Variants in TOP2B observed in about 807,000 individuals in gnomAD.
TOP2B encodes the protein DNA topoisomerase 2-beta.
A neutral mutation model predicts 193.5 loss-of-function variants in TOP2B; 51 were observed. The ratio of observed to expected loss-of-function variants is 0.26; its 90% CI spans 0.21 to 0.33. The LOEUF (loss-of-function observed/expected upper bound fraction) is 0.33. TOP2B is among the 10% of genes least tolerant of loss of function. The probability of loss-of-function intolerance (pLI) is 1.00; values close to 1 mark genes in which losing one functional copy is unlikely to be tolerated. For synonymous variants in TOP2B, 634 were observed against 635.7 expected (o/e 1.00, Z 0.04); for missense variants, 1,378 against 1,909.3 (o/e 0.72, Z 5.19).
rs1701968300 is a variant in TOP2B at position 25,598,183 on chromosome 3, A to G, written c.*124T>C. Reference sequence around the variant, plus strand: ...ACAAAATGTTAAAAGGCCTACCACAATAATAAAAAACCGTCAATTACATCA... The same window carrying G: ...ACAAAATGTTAAAAGGCCTACCACAGTAATAAAAAACCGTCAATTACATCA... On this transcript the variant is annotated 3_prime_UTR_variant, in exon 36 of 36. Coordinates refer to ENST00000264331, the MANE Select transcript of TOP2B (RefSeq NM_001330700.2). The G allele has an allele frequency of 5.7e-6, 6 of 1,047,586 alleles. No homozygotes were observed. The South Asian group carries it at 1.1e-4, about 18-fold the overall frequency. 64.9% of individuals were successfully genotyped at this position (1,047,586 alleles called of 1,614,324 possible). A position where few individuals can be genotyped will look rare whatever the true frequency, so the allele number is the denominator to read the frequency against.
At chr3:25,662,698 GTTAA>G (rs1703953238) in intron 1 of TOP2B, among the ~76,000 whole-genome samples, 1 of 152,178 alleles carries the variant, frequency 6.6e-6, no homozygotes, top group Non-Finnish European at 1.5e-5. Context: ...TTATATAACA[GTTAA>G]TTAAAGTACT....
intron 1 of TOP2B, among the ~76,000 whole-genome samples, chr3:25,661,902 A>G (rs1434015043): frequency 6.6e-6 from 1 of 152,130 alleles, no homozygotes; most frequent in Non-Finnish European, 1.5e-5. Flanking sequence ...TTCTATTTTT[A>G]TTTCTTTCTG....
Position 25,598,463 on chromosome 3 carries a change from T to A in TOP2B, c.4725A>T (p.Thr1575=). The A allele has an allele frequency of 3.2e-6, 5 of 1,586,756 alleles. No homozygotes were observed. Among genetic ancestry groups the A allele is most frequent in the Non-Finnish European group, 4.3e-6 (5 of 1,171,314 alleles). ...CCACATCTGAATCCTGATCAAAAGATGTCTTCTTCGGTTTCTAGATTTTTT... is the reference window on the plus strand; with the variant it reads ...CCACATCTGAATCCTGATCAAAAGAAGTCTTCTTCGGTTTCTAGATTTTTT... ...SKTTSKKPKK[T]SFDQDSDVDI... The change falls in exon 36 of 36, where the codon ACA becomes ACT. Residue 1575 remains threonine, a synonymous_variant. Coordinates refer to ENST00000264331, the MANE Select transcript of TOP2B (RefSeq NM_001330700.2).
chr3:25,625,562 G>GT (rs1702773480), intron 18 of TOP2B, among the ~76,000 whole-genome samples: 1 of 149,358 alleles, frequency 6.7e-6, no homozygotes, highest in African/African-American at 2.5e-5. Context: ...GATTATTTTT[G>GT]TTTTTTGGTT....
rs768940851 is a variant in TOP2B, at chr3:25,630,299, C to A, written c.1563+13G>T. 146 of 1,549,984 alleles carry A rather than the reference C, an allele frequency of 9.4e-5. No individual in the cohort carries two copies. Among genetic ancestry groups the A allele is most frequent in the Non-Finnish European group, 1.2e-4 (138 of 1,146,128 alleles). ...ATGTGTGTATACACATATATATACA[C>A]ACACATACATACCTGTTTATGAGAA... is the stretch of plus-strand genomic sequence containing the variant. On this transcript the variant is annotated intron_variant, in intron 12 of 35. Transcript: ENST00000264331.
intron 27 of TOP2B, among the ~76,000 whole-genome samples, chr3:25,614,340 G>A (rs1409985315): frequency 1.3e-5 from 2 of 151,806 alleles, no homozygotes; most frequent in Admixed American, 6.6e-5. Context: ...AATATATGAT[G>A]GCTTCATTTT....
intron 10 of TOP2B, 33 bp from the exon 11 acceptor site, chr3:25,630,972 G>C: frequency 1.3e-6 from 2 of 1,538,702 alleles, no homozygotes; most frequent in Non-Finnish European, 8.7e-7. Context: ...ATACAAACAA[G>C]CTGAAAATTC....
At chr3:25,607,020 T>G in intron 31 of TOP2B, 151 bp downstream of exon 31, 1 of 1,161,266 alleles carries the variant, frequency 8.6e-7, no homozygotes, top group Non-Finnish European at 1.2e-6. Context: ...GCAACTGTGA[T>G]GGGAACAGCT....
intron 23 of TOP2B, 101 bp downstream of exon 23, chr3:25,619,761 C>T: frequency 1.3e-6 from 1 of 747,718 alleles, no homozygotes; most frequent in Non-Finnish European, 2.1e-6. Context: ...AAAAAAATGC[C>T]TTCAGGCTTA....
chr3:25,616,982 T>C lies in TOP2B; in HGVS notation c.3352-1396A>G, dbSNP rs528074503. 6.0e-4 allele frequency among the ~76,000 whole-genome samples: 92 copies of C among 152,186 alleles called. 1 individual carries two copies. The South Asian group carries it at 0.018, about 30-fold the overall frequency. ...AATTAGCTACTTTATAATTCTCTTT[T>C]CTCCAACTCTGTATAATAGGACACT... On this transcript the variant is annotated intron_variant, in intron 25 of 35. Transcript: ENST00000264331.
intron 1 of TOP2B, among the ~76,000 whole-genome samples, chr3:25,646,356 G>A (rs1703415537): frequency 6.6e-6 from 1 of 152,064 alleles, no homozygotes; most frequent in Non-Finnish European, 1.5e-5. Flanking sequence ...ATCAGCTCTG[G>A]GTGTCCCAAT....
intron 3 of TOP2B, among the ~76,000 whole-genome samples, chr3:25,643,317 A>C (rs547838225): frequency 6.6e-6 from 1 of 152,316 alleles, no homozygotes; most frequent in East Asian, 1.9e-4. Context: ...TTGTTGGTGA[A>C]AAACATATTT....
rs374987912 is a variant in TOP2B, at chr3:25,619,842, C to T, written c.3063+20G>A. On this transcript the variant is annotated intron_variant, in intron 23 of 35. Coordinates refer to ENST00000264331, the MANE Select transcript of TOP2B (RefSeq NM_001330700.2). ...TACCATGCAAGAAAGATTAAATTAA[C>T]AGTAAATCTAATAAATTACCATGGA... The T allele has an allele frequency of 4.0e-5, 60 of 1,516,684 alleles. No homozygotes were observed. The highest frequency in any genetic ancestry group is 5.2e-5 in the Non-Finnish European group (57 of 1,096,354). 94.0% of individuals were successfully genotyped at this position (1,516,684 alleles called of 1,614,324 possible).
chr3:25,618,729 A>G lies in TOP2B; in HGVS notation c.3184T>C (p.Leu1062=). The G allele has an allele frequency of 6.2e-7, 1 of 1,613,412 alleles. No homozygotes were observed. Among genetic ancestry groups the G allele is most frequent in the East Asian group, 2.2e-5 (1 of 44,822 alleles). The change falls in exon 24 of 36, where the codon TTG becomes CTG. Residue 1062 remains leucine, a synonymous_variant. Coordinates refer to ENST00000264331, the MANE Select transcript of TOP2B (RefSeq NM_001330700.2). ...TTAAGCTTTGTAGATTCTGCTCCCA[A>G]CATTCCCACAAGCCACTCCTTACGT... is the stretch of plus-strand genomic sequence containing the variant. ...GLRKEWLVGM[L]GAESTKLNNQ...
At chr3:25,662,138 A>G (rs1440028933) in intron 1 of TOP2B, among the ~76,000 whole-genome samples, 1 of 152,244 alleles carries the variant, frequency 6.6e-6, no homozygotes, top group Non-Finnish European at 1.5e-5. Context: ...TAAGCCCAGC[A>G]CTGTGCTACA....
At chr3:25,622,762 T>C (rs557930149) in intron 21 of TOP2B, among the ~76,000 whole-genome samples, 48 of 151,854 alleles carry the variant, frequency 3.2e-4, no homozygotes, top group Admixed American at 2.6e-3. Context: ...TGCCTCTGCC[T>C]CCCAAGTAGC....
intron 15 of TOP2B, 126 bp from the exon 16 acceptor site, chr3:25,627,422 A>ATATTTTTTTTTTTTTTTT: frequency 1.9e-6 from 1 of 514,326 alleles, no homozygotes; most frequent in Non-Finnish European, 3.4e-6. Context: ...TAAGTGATCA[A>ATATTTTTTTTTTTTTTTT]TCTTAATAAG....
intron 33 of TOP2B, among the ~76,000 whole-genome samples, chr3:25,603,814 G>C (rs760212863): frequency 1.3e-5 from 2 of 152,190 alleles, no homozygotes; most frequent in Non-Finnish European, 2.9e-5. Flanking sequence ...CACATGAGAG[G>C]CAAGGACACT....
intron 28 of TOP2B, among the ~76,000 whole-genome samples, chr3:25,612,077 T>C (rs1482708739): frequency 6.6e-6 from 1 of 151,652 alleles, no homozygotes; most frequent in Admixed American, 6.6e-5. Flanking sequence ...CAAGTAGCTG[T>C]GATACAGGCG....
Sources: allele counts gnomAD v4.1 joint callset (sites outside exome capture counted in the v4.1 genomes callset), GRCh38; gene constraint gnomAD v4.1.1; transcripts MANE v1.5; gene names NCBI Gene and HGNC (gene_info 2026-07-23, HGNC 2026-07-21).